Variants in MAML3 observed in about 807,000 individuals in gnomAD.
MAML3 encodes the protein mastermind like transcriptional coactivator 3, also known as mastermind-like protein 3.
A neutral mutation model predicts 101.9 loss-of-function variants in MAML3; 27 were observed. The observed-to-expected ratio is 0.27, with a 90% CI of 0.20 to 0.37. The LOEUF (loss-of-function observed/expected upper bound fraction) is 0.37, where lower values mean the gene tolerates loss of function less well. MAML3 is among the 10% of genes least tolerant of loss of function. MAML3 has a pLI of 1.00. For synonymous variants in MAML3, 501 were observed against 555.9 expected, an observed-to-expected ratio of 0.90 and a Z score of 1.39; for missense variants, 1,316 against 1,444.9, an observed-to-expected ratio of 0.91 and a Z score of 1.45.
rs143340651 is a variant in MAML3 at position 140,134,930 on chromosome 4, G to A, written c.468+17930C>T. On this transcript the variant is annotated intron_variant, in intron 1 of 4. Transcript: ENST00000509479. ...CTCTCTGAGCCTCGCCTTCTGCTGC[G>A]TTTGAAGGAACCTCTCCCAGGACCG... Among the ~76,000 whole-genome samples the A allele has an allele frequency of 2.8e-3, 424 of 152,328 alleles. 4 individuals carry two copies. Among genetic ancestry groups the A allele is most frequent in the African/African-American group, 8.8e-3 (367 of 41,570 alleles).
chr4:139,930,993 C>T (rs1320220361), intron 1 of MAML3, among the ~76,000 whole-genome samples: 2 of 151,980 alleles, frequency 1.3e-5, no homozygotes, highest in Non-Finnish European at 2.9e-5. Context: ...AAAGGGGTAA[C>T]AGATGTGGGG....
chr4:140,047,101 C>T (rs1727195468), intron 1 of MAML3, among the ~76,000 whole-genome samples: 1 of 152,042 alleles, frequency 6.6e-6, no homozygotes, highest in African/African-American at 2.4e-5. Context: ...TTGAGATGGG[C>T]TTTTGAGGCC....
chr4:139,978,826 C>A (rs1234300343), intron 1 of MAML3, among the ~76,000 whole-genome samples: 1 of 152,096 alleles, frequency 6.6e-6, no homozygotes, highest in Non-Finnish European at 1.5e-5. Context: ...ACCTGGCCTC[C>A]CCACAGAACT....
intron 1 of MAML3, among the ~76,000 whole-genome samples, chr4:139,997,138 A>G (rs939547047): frequency 2.7e-5 from 4 of 149,630 alleles, no homozygotes; most frequent in African/African-American, 9.8e-5. Flanking sequence ...ATATATGTGT[A>G]TATATATATA....
intron 2 of MAML3, among the ~76,000 whole-genome samples, chr4:139,853,729 TG>T (rs1348055270): frequency 3.3e-5 from 5 of 152,110 alleles, no homozygotes; most frequent in Non-Finnish European, 7.4e-5. Context: ...CTTCCAAGGT[TG>T]GGGGAGTGGG....
intron 1 of MAML3, among the ~76,000 whole-genome samples, chr4:140,103,912 A>G (rs576126572): frequency 6.6e-6 from 1 of 152,282 alleles, no homozygotes; most frequent in African/African-American, 2.4e-5. Flanking sequence ...CTGCATTCTT[A>G]GCTTCACCAA....
intron 2 of MAML3, among the ~76,000 whole-genome samples, chr4:139,799,219 A>C (rs1364500519): frequency 1.3e-5 from 2 of 152,184 alleles, no homozygotes; most frequent in African/African-American, 4.8e-5. Flanking sequence ...TTTTTTGTGA[A>C]GTACTACACA....
chr4:139,865,692 C>A (rs1025694006), intron 2 of MAML3, among the ~76,000 whole-genome samples: 1 of 152,180 alleles, frequency 6.6e-6, no homozygotes, highest in Non-Finnish European at 1.5e-5. Context: ...AATCTCCTCA[C>A]CAAGTCTTTC....
At chr4:140,040,869 G>T (rs77245729) in intron 1 of MAML3, among the ~76,000 whole-genome samples, 2 of 151,916 alleles carry the variant, frequency 1.3e-5, no homozygotes, top group Non-Finnish European at 2.9e-5. Flanking sequence ...TTCTTGAGAC[G>T]TTATGACAAT....
At chr4:140,051,317 G>A (rs984508761) in intron 1 of MAML3, among the ~76,000 whole-genome samples, 3 of 152,290 alleles carry the variant, frequency 2.0e-5, no homozygotes, top group African/African-American at 7.2e-5. Flanking sequence ...CACTTTGGGA[G>A]GCTGAGGCAG....
chr4:140,137,341 A>T (rs1728908597), intron 1 of MAML3, among the ~76,000 whole-genome samples: 1 of 152,352 alleles, frequency 6.6e-6, no homozygotes, highest in Non-Finnish European at 1.5e-5. Context: ...AAAAAGTCAC[A>T]AAAGTAGTCA....
chr4:140,045,112 T>C (rs777838784), intron 1 of MAML3, among the ~76,000 whole-genome samples: 2 of 152,200 alleles, frequency 1.3e-5, no homozygotes, highest in African/African-American at 2.4e-5. Context: ...AAACAGAATC[T>C]GGGCCAGGCA....
intron 1 of MAML3, among the ~76,000 whole-genome samples, chr4:140,097,267 T>C (rs1181822177): frequency 6.6e-6 from 1 of 152,142 alleles, no homozygotes; most frequent in Non-Finnish European, 1.5e-5. Context: ...ACTTGGGAAA[T>C]GATAATCTTC....
intron 2 of MAML3, chr4:139,730,899 A>T: frequency 1.7e-6 from 1 of 577,696 alleles, no homozygotes; most frequent in East Asian, 2.8e-5. Context: ...GGGAAGTCCA[A>T]GGCCAAGTCC....
intron 1 of MAML3, among the ~76,000 whole-genome samples, chr4:140,088,916 TC>T (rs1728000637): frequency 6.6e-6 from 1 of 152,228 alleles, no homozygotes; most frequent in Admixed American, 6.5e-5. Flanking sequence ...TTTCTACAAA[TC>T]ATCATTGAAC....
At chr4:140,010,371 T>C (rs1272046181) in intron 1 of MAML3, among the ~76,000 whole-genome samples, 1 of 152,168 alleles carries the variant, frequency 6.6e-6, no homozygotes. Context: ...ATATTTATGT[T>C]TGTGCCGTAT....
At chr4:140,058,195 C>G (rs2110933238) in intron 1 of MAML3, among the ~76,000 whole-genome samples, 1 of 152,158 alleles carries the variant, frequency 6.6e-6, no homozygotes, top group African/African-American at 2.4e-5. Flanking sequence ...TTGCATGACT[C>G]TTTCAAAAAG....
In MAML3 at chr4:139,946,919, ACACACACTCTCTCTCTCT is replaced by A. The variant is rs1479580931; in HGVS notation, c.469-55970_469-55953del. Among the ~76,000 whole-genome samples the A allele has an allele frequency of 1.2e-4, 9 of 76,366 alleles. No individual in the cohort carries two copies. The South Asian group carries it at 2.0e-3, about 17-fold the overall frequency. The allele number at this position is 76,366 out of a possible 152,430, so 50.1% of individuals were successfully genotyped here. On this transcript the variant is annotated intron_variant, in intron 1 of 4. Coordinates refer to ENST00000509479, the MANE Select transcript of MAML3 (RefSeq NM_018717.5). The stretch of plus-strand genomic sequence containing the variant: ...CACACACACACACACACACACACAC[ACACACACTCTCTCTCTCT>A]CTCTCTCTCTCTCTCTTTAGAAAAG...
At position 139,817,921 on chromosome 4, in the gene MAML3, T is replaced by C. The variant is rs374096908; in HGVS notation, c.2079+71436A>G. ...ACTGCTTCTTGTAGTTATGACTTCT[T>C]GTAGCTGGAATGCTCTGCCTCAGCA... On this transcript the variant is annotated intron_variant, in intron 2 of 4. Transcript: ENST00000509479. 3.9e-5 allele frequency among the ~76,000 whole-genome samples: 6 copies of C among 152,332 alleles called. No homozygotes were observed. The East Asian group carries it at 7.7e-4, about 20-fold the overall frequency.
Sources: allele counts gnomAD v4.1 joint callset (sites outside exome capture counted in the v4.1 genomes callset), GRCh38; gene constraint gnomAD v4.1.1; transcripts MANE v1.5; gene names NCBI Gene and HGNC (gene_info 2026-07-23, HGNC 2026-07-21).